The following PCDHGB2 variants were observed in gnomAD, a reference collection of about 807,000 sequenced individuals.
PCDHGB2 encodes protocadherin gamma-B2.
In PCDHGB2, 55 loss-of-function variants were observed where a neutral mutation model predicts 59.3. That is an observed-to-expected ratio of 0.93 (90% CI 0.75 to 1.16). The LOEUF (loss-of-function observed/expected upper bound fraction) is 1.16, where lower values mean the gene tolerates loss of function less well. PCDHGB2 is among the 50% of genes most tolerant of loss of function. PCDHGB2 has a pLI of 0.00. For synonymous variants in PCDHGB2, 516 were observed against 512.0 expected (o/e 1.01, Z -0.11); for missense variants, 1,228 against 1,198.5 (o/e 1.02, Z -0.36).
chr5:141,487,127 A>T lies in PCDHGB2; in HGVS notation c.2422-7680A>T. ...GGTCATTGTGGTAAAGGATAGTGGT[A>T]GTCCACCACTCTCTACCTCTGTTAC... On this transcript the variant is annotated intron_variant, in intron 1 of 3. Coordinates refer to ENST00000522605, the MANE Select transcript of PCDHGB2 (RefSeq NM_018923.3). The surrounding 1 kb of genome is among the most constrained non-coding windows in gnomAD (Gnocchi z 5.0). 6.2e-7 allele frequency: 1 copy of T among 1,613,334 alleles called. No individual in the cohort carries two copies. Among genetic ancestry groups the T allele is most frequent in the Admixed American group, 1.7e-5 (1 of 60,026 alleles).
chr5:141,387,299 G>A (rs1405240674), intron 1 of PCDHGB2, among the ~76,000 whole-genome samples: 2 of 152,182 alleles, frequency 1.3e-5, no homozygotes, highest in South Asian at 2.1e-4. Flanking sequence ...AATGTATCCA[G>A]TATATTTCTA....
At position 141,432,458 on chromosome 5, in the gene PCDHGB2, C is replaced by T. The variant is rs1368524835; in HGVS notation, c.2422-62349C>T. 1.9e-6 allele frequency: 3 copies of T among 1,614,136 alleles called. No individual in the cohort carries two copies. The highest frequency in any genetic ancestry group is 8.5e-7 in the Non-Finnish European group (1 of 1,180,066). ...TGCGCCCGAGATCCTGTACCCCGCC[C>T]TCCCCACGGACGGTTCCACTGGCGT... On this transcript the variant is annotated intron_variant, in intron 1 of 3. Transcript: ENST00000522605. This position sits in a 1 kb window ranked among gnomAD's most constrained non-coding sequence, Gnocchi z 6.0.
intron 1 of PCDHGB2, chr5:141,430,820 G>C (rs1194897001): frequency 6.5e-7 from 1 of 1,541,598 alleles, no homozygotes; most frequent in East Asian, 2.3e-5. Context: ...AATCCTCCTG[G>C]GGACTCTGTG....
In PCDHGB2 at chr5:141,365,826, C is replaced by A. The variant is rs775602102; in HGVS notation, c.2421+3270C>A. The A allele has an allele frequency of 2.5e-6, 4 of 1,613,906 alleles. No homozygotes were observed. In the East Asian group the frequency reaches 6.7e-5, roughly 27 times the overall value. ...CTGGCTGAAGACACATTTCAGGGGGCGCCCTTGTCCTCCTATGTATCCATT... is the reference window on the plus strand; with the variant it reads ...CTGGCTGAAGACACATTTCAGGGGGAGCCCTTGTCCTCCTATGTATCCATT... On this transcript the variant is annotated intron_variant, in intron 1 of 3. Coordinates refer to ENST00000522605, the MANE Select transcript of PCDHGB2 (RefSeq NM_018923.3).
At chr5:141,422,287 A>G in intron 1 of PCDHGB2, 3 of 1,553,500 alleles carry the variant, frequency 1.9e-6, no homozygotes, top group South Asian at 1.3e-5. Context: ...CACCTCTTCT[A>G]TTAATTCAAT....
chr5:141,373,163 A>G (rs1171278735), intron 1 of PCDHGB2, among the ~76,000 whole-genome samples: 1 of 152,252 alleles, frequency 6.6e-6, no homozygotes, highest in Non-Finnish European at 1.5e-5. Context: ...GTTTTAATGC[A>G]GTCAATCCTA....
intron 1 of PCDHGB2, chr5:141,389,721 G>A (rs1477842058): frequency 2.5e-6 from 4 of 1,612,502 alleles, no homozygotes; most frequent in Non-Finnish European, 1.7e-6. Context: ...TAGCGAGCCC[G>A]GGCTCTTCAG....
rs770934690 is a variant in PCDHGB2, at chr5:141,362,277, C to CAAT, written c.2142_2143insAAT (p.Arg714_Leu715insAsn). 7.4e-6 allele frequency: 12 copies of CAAT among 1,614,048 alleles called. No homozygotes were observed. The highest frequency in any genetic ancestry group is 9.3e-6 in the Non-Finnish European group (11 of 1,179,902). The stretch of plus-strand genomic sequence containing the variant: ...CGGTGATTCTGGCAATCTCCCTGCG[C>CAAT]CTGCGACTCTCTTCCAGGTCAGATG... On this transcript the variant is annotated inframe_insertion, in exon 1 of 4. Coordinates refer to ENST00000522605, the MANE Select transcript of PCDHGB2 (RefSeq NM_018923.3).
chr5:141,439,487 G>A lies in PCDHGB2; in HGVS notation c.2422-55320G>A, dbSNP rs11952418. 8.3e-3 allele frequency among the ~76,000 whole-genome samples: 1,269 copies of A among 152,266 alleles called. 16 individuals are homozygous for A. Among genetic ancestry groups the A allele is most frequent in the African/African-American group, 0.029 (1,205 of 41,540 alleles). Reference sequence around the variant, plus strand: ...GCTGCCTTTCAGCTTGCAAATTCCAGTGAGAAACGTCTTTCTCTCTGCTCT... The same window carrying A: ...GCTGCCTTTCAGCTTGCAAATTCCAATGAGAAACGTCTTTCTCTCTGCTCT... On this transcript the variant is annotated intron_variant, in intron 1 of 3. Coordinates refer to ENST00000522605, the MANE Select transcript of PCDHGB2 (RefSeq NM_018923.3).
rs779686795 is a variant in PCDHGB2, at chr5:141,476,566, G to A, written c.2422-18241G>A. On this transcript the variant is annotated intron_variant, in intron 1 of 3. Coordinates refer to ENST00000522605, the MANE Select transcript of PCDHGB2 (RefSeq NM_018923.3). The surrounding 1 kb of genome is among the most constrained non-coding windows in gnomAD (Gnocchi z 7.6). ...TGGAGATTAGCGAGGCCGTGGCTCC[G>A]GGGACGCGCTTTCCGCTCGAGAGCG... The A allele has an allele frequency of 1.2e-6, 2 of 1,614,062 alleles. No homozygotes were observed. Among genetic ancestry groups the A allele is most frequent in the East Asian group, 2.2e-5 (1 of 44,872 alleles).
chr5:141,458,292 T>C (rs2098941901), intron 1 of PCDHGB2, among the ~76,000 whole-genome samples: 1 of 152,146 alleles, frequency 6.6e-6, no homozygotes, highest in Admixed American at 6.5e-5. Flanking sequence ...GTCCTCATGC[T>C]GGTTTAGATA....
chr5:141,383,072 AG>A lies in PCDHGB2; in HGVS notation c.2421+20517del, dbSNP rs747790551. ...AAGGACCTGGGGCTGGAGCCCCGGG[AG>A]CTGGCGGAGCGCGGAGTCCGCATCA... On this transcript the variant is annotated intron_variant, in intron 1 of 3. Transcript: ENST00000522605. The A allele has an allele frequency of 4.3e-6, 7 of 1,613,710 alleles. No homozygotes were observed. In the African/African-American group the frequency reaches 6.7e-5, roughly 15 times the overall value.
At chr5:141,479,930 T>C (rs1355410974) in intron 1 of PCDHGB2, among the ~76,000 whole-genome samples, 15 of 152,218 alleles carry the variant, frequency 9.9e-5, no homozygotes, top group Non-Finnish European at 1.9e-4. Context: ...CAGTGCATCA[T>C]TGCTATCAAC....
intron 3 of PCDHGB2, among the ~76,000 whole-genome samples, 153 bp from the exon 4 acceptor site, chr5:141,510,790 GAAGA>G (rs982513431): frequency 6.6e-5 from 10 of 152,264 alleles, no homozygotes; most frequent in African/African-American, 2.4e-4. Context: ...CAACTCTTGT[GAAGA>G]GAGACTACCT....
At chr5:141,472,980 C>CAAAAAAAAAAAAAAAAAAAAAA (rs60579131) in intron 1 of PCDHGB2, among the ~76,000 whole-genome samples, 6 of 86,102 alleles carry the variant, frequency 7.0e-5, no homozygotes, top group African/African-American at 1.2e-4. Flanking sequence ...GAGTGAAACT[C>CAAAAAAAAAAAAAAAAAAAAAA]AAAAAAAAAA....
Position 141,489,793 on chromosome 5 carries a change from C to T in PCDHGB2, c.2422-5014C>T, listed in dbSNP as rs749700050. On this transcript the variant is annotated intron_variant, in intron 1 of 3. Transcript: ENST00000522605. The surrounding 1 kb of genome is among the most constrained non-coding windows in gnomAD (Gnocchi z 4.5). ...CCACTTCTCTCTGAATGTGAAGACC[C>T]TAAAAGATGGGAAGCCATTCCCAGA... The T allele has an allele frequency of 6.2e-7, 1 of 1,614,044 alleles. No homozygotes were observed. Among genetic ancestry groups the T allele is most frequent in the Non-Finnish European group, 8.5e-7 (1 of 1,180,010 alleles).
At chr5:141,455,330 G>T (rs2098819667) in intron 1 of PCDHGB2, among the ~76,000 whole-genome samples, 1 of 152,042 alleles carries the variant, frequency 6.6e-6, no homozygotes, top group South Asian at 2.1e-4. Context: ...GTGTGTTTGT[G>T]GTTTTAAGGA....
chr5:141,365,084 C>T lies in PCDHGB2; in HGVS notation c.2421+2528C>T, dbSNP rs75563633. The T allele has an allele frequency of 1.4e-5, 22 of 1,613,718 alleles. No homozygotes were observed. The South Asian group carries it at 1.4e-4, about 10-fold the overall frequency. On this transcript the variant is annotated intron_variant, in intron 1 of 3. Transcript: ENST00000522605. Reference sequence around the variant, plus strand: ...CCCATCCGAGTACAGCGTGAGTGTTCCAGAGAACATACCTGTGGGCACTCG... The same window carrying T: ...CCCATCCGAGTACAGCGTGAGTGTTTCAGAGAACATACCTGTGGGCACTCG...
chr5:141,370,558 G>A (rs1191020056), intron 1 of PCDHGB2: 3 of 1,613,818 alleles, frequency 1.9e-6, no homozygotes, highest in Admixed American at 3.3e-5. Flanking sequence ...AAGGACCTGG[G>A]GTTTGGCGTG....
Sources: gnomAD v4.1 joint callset for allele counts (sites outside exome capture counted in the v4.1 genomes callset) on GRCh38, gnomAD v4.1.1 for gene constraint, Gnocchi (gnomAD v3.1) non-coding constraint, MANE v1.5 for transcripts, NCBI Gene and HGNC (gene_info 2026-07-23, HGNC 2026-07-21) for gene names.